TMOD2: variants seen among roughly 807,000 people sequenced by gnomAD.
TMOD2 encodes the protein tropomodulin 2.
In TMOD2, 22 loss-of-function variants were observed where a neutral mutation model predicts 39.9. The ratio of observed to expected loss-of-function variants is 0.55; its 90% confidence interval spans 0.39 to 0.79. The LOEUF is 0.79. TMOD2 is among the 30% of genes least tolerant of loss of function. The pLI is 0.00. For missense variants in TMOD2, 386 were observed against 413.3 expected, an observed-to-expected ratio of 0.93 and a Z score of 0.57; for synonymous variants, 123 against 146.1, an observed-to-expected ratio of 0.84 and a Z score of 1.14.
intron 1 of TMOD2, among the ~76,000 whole-genome samples, chr15:51,758,079 C>CTAA (rs145435018): frequency 0.044 from 6,532 of 149,698 alleles, 136 homozygotes; most frequent in Non-Finnish European, 0.052. Context: ...GACCCTATTT[C>CTAA]TAATAATAAT....
chr15:51,788,514 T>A (rs970623363), intron 7 of TMOD2, among the ~76,000 whole-genome samples: 4 of 152,114 alleles, frequency 2.6e-5, no homozygotes, highest in African/African-American at 9.7e-5. Context: ...ATTCAGGAAA[T>A]ACAGAGAACA....
At chr15:51,756,774 A>T (rs2055745003) in intron 1 of TMOD2, among the ~76,000 whole-genome samples, 1 of 152,204 alleles carries the variant, frequency 6.6e-6, no homozygotes, top group Non-Finnish European at 1.5e-5. Flanking sequence ...ACCATATTTC[A>T]GACTGAGACT....
At chr15:51,773,982 G>T in intron 4 of TMOD2, 148 bp downstream of exon 4, 1 of 876,798 alleles carries the variant, frequency 1.1e-6, no homozygotes, top group Non-Finnish European at 1.7e-6. Flanking sequence ...TCTTGATGCA[G>T]GTGACTTAAA....
intron 1 of TMOD2, among the ~76,000 whole-genome samples, chr15:51,760,289 G>C (rs1461739657): frequency 6.6e-6 from 1 of 152,206 alleles, no homozygotes; most frequent in African/African-American, 2.4e-5. Context: ...AGGTGTCACA[G>C]GACTGTATTC....
intron 8 of TMOD2, among the ~76,000 whole-genome samples, chr15:51,802,203 T>C (rs981387111): frequency 6.6e-6 from 1 of 151,590 alleles, no homozygotes; most frequent in African/African-American, 2.4e-5. Context: ...GCTATTAGCA[T>C]CTCCTTCCTC....
At chr15:51,801,285 C>CACACCCTCTCT (rs2056087884) in intron 8 of TMOD2, among the ~76,000 whole-genome samples, 1 of 83,000 alleles carries the variant, frequency 1.2e-5, no homozygotes, top group African/African-American at 6.0e-5. Flanking sequence ...ACACACACAC[C>CACACCCTCTCT]CTGTCTCTCT....
At chr15:51,788,717 A>G (rs959736863) in intron 7 of TMOD2, among the ~76,000 whole-genome samples, 3 of 152,224 alleles carry the variant, frequency 2.0e-5, no homozygotes, top group African/African-American at 7.2e-5. Flanking sequence ...ATTCTTAAAG[A>G]AAAGAATTTT....
At chr15:51,757,398 T>G (rs2055749519) in intron 1 of TMOD2, among the ~76,000 whole-genome samples, 1 of 74,542 alleles carries the variant, frequency 1.3e-5, no homozygotes, top group African/African-American at 5.9e-5. Flanking sequence ...CCAGACTCCG[T>G]CTCAAAAAAA....
intron 1 of TMOD2, among the ~76,000 whole-genome samples, chr15:51,757,349 C>T (rs570465198): frequency 8.8e-5 from 12 of 135,612 alleles, no homozygotes; most frequent in South Asian, 6.8e-4. Context: ...TTGCAGTGAA[C>T]GGAGATCGCA....
chr15:51,794,540 C>A (rs2056035033), intron 7 of TMOD2, among the ~76,000 whole-genome samples: 2 of 152,106 alleles, frequency 1.3e-5, no homozygotes, highest in African/African-American at 4.8e-5. Flanking sequence ...CATAGAGAGA[C>A]CTGTTTCTAC....
At chr15:51,803,061 A>G (rs1309536244) in intron 8 of TMOD2, among the ~76,000 whole-genome samples, 1 of 152,220 alleles carries the variant, frequency 6.6e-6, no homozygotes, top group Non-Finnish European at 1.5e-5. Flanking sequence ...ACAAAAATAT[A>G]CTAGCAGAGC....
intron 7 of TMOD2, chr15:51,784,576 A>G (rs374002623): frequency 6.6e-6 from 1 of 152,240 alleles, no homozygotes; most frequent in Non-Finnish European, 1.5e-5. Flanking sequence ...CCAGGCTACA[A>G]AAATCAATGT....
At chr15:51,757,177 G>A (rs541022021) in intron 1 of TMOD2, among the ~76,000 whole-genome samples, 1 of 152,296 alleles carries the variant, frequency 6.6e-6, no homozygotes, top group South Asian at 2.1e-4. Context: ...CAAGGCAGGT[G>A]GATCACCTGT....
intron 7 of TMOD2, chr15:51,784,284 T>A (rs1426076066): frequency 2.6e-5 from 4 of 152,248 alleles, no homozygotes; most frequent in Non-Finnish European, 5.9e-5. Flanking sequence ...CCTGTTGTTC[T>A]ATGGCATTTA....
chr15:51,808,323 T>G (rs1455961098), intron 9 of TMOD2, 97 bp from the exon 10 acceptor site: 1 of 897,532 alleles, frequency 1.1e-6, no homozygotes, highest in African/African-American at 1.7e-5. Flanking sequence ...TATCCTCAAG[T>G]GTGTGAGATT....
intron 1 of TMOD2, chr15:51,752,663 A>G (rs1045810177): frequency 1.3e-5 from 2 of 152,332 alleles, no homozygotes; most frequent in Admixed American, 1.3e-4. Context: ...ATGATTTGTA[A>G]ACCTCTGTTC....
intron 4 of TMOD2, among the ~76,000 whole-genome samples, chr15:51,775,135 A>G (rs972904220): frequency 8.5e-5 from 13 of 152,178 alleles, no homozygotes; most frequent in African/African-American, 1.9e-4. Flanking sequence ...AGTTTTAGAT[A>G]AGAAAGAGTG....
rs750775205 is a variant in TMOD2, at chr15:51,773,737, G to T, written c.309G>T (p.Lys103Asn). The part of the protein sequence containing the change: ...KKGRVFIPKE[K>N]PIETRKEEKV... ...GGAGAGTCTTTATCCCTAAAGAAAA[G>T]CCTATAGAAACTCGTAAAGAAGAAA... is the stretch of plus-strand genomic sequence containing the variant. The change falls in exon 4 of 10, where the codon AAG becomes AAT. Residue 103 changes from lysine (K) to asparagine (N), a missense_variant. Transcript: ENST00000249700. 1 of 1,611,704 alleles carries T rather than the reference G, an allele frequency of 6.2e-7. No individual in the cohort carries two copies. Among genetic ancestry groups the T allele is most frequent in the Non-Finnish European group, 8.5e-7 (1 of 1,179,394 alleles).
intron 1 of TMOD2, among the ~76,000 whole-genome samples, chr15:51,765,859 A>G (rs1484124446): frequency 6.6e-6 from 1 of 152,180 alleles, no homozygotes; most frequent in Non-Finnish European, 1.5e-5. Context: ...TCTCACATAG[A>G]CGTTCCAAAC....
Sources: allele counts gnomAD v4.1 joint callset (sites outside exome capture counted in the v4.1 genomes callset), GRCh38; gene constraint gnomAD v4.1.1; transcripts MANE v1.5; gene names NCBI Gene and HGNC (gene_info 2026-07-23, HGNC 2026-07-21).